TP53INP1: variants seen among roughly 807,000 people sequenced by gnomAD.
The protein encoded by TP53INP1 is tumor protein p53 inducible nuclear protein 1.
In TP53INP1, 12 loss-of-function variants were observed where a neutral mutation model predicts 21.0. The ratio of observed to expected loss-of-function variants is 0.57; its 90% CI spans 0.37 to 0.93. The LOEUF (loss-of-function observed/expected upper bound fraction) is 0.93, where lower values mean the gene tolerates loss of function less well. Among genes scored for constraint, TP53INP1 ranks in the 40% least tolerant of loss-of-function variants. The pLI is 0.01. For synonymous variants in TP53INP1, 91 were observed against 94.8 expected (o/e 0.96, Z 0.23); for missense variants, 274 against 294.7 (o/e 0.93, Z 0.51).
intron 3 of TP53INP1, among the ~76,000 whole-genome samples, chr8:94,932,797 CG>C (rs887820813): frequency 9.3e-5 from 14 of 150,630 alleles, no homozygotes; most frequent in African/African-American, 3.4e-4. Flanking sequence ...AGCGAGACTC[CG>C]TCTCAAAAAT....
chr8:94,948,710 G>A (rs1822242300), intron 1 of TP53INP1, among the ~76,000 whole-genome samples: 1 of 152,168 alleles, frequency 6.6e-6, no homozygotes, highest in Admixed American at 6.5e-5. Flanking sequence ...CCCCGACGCC[G>A]AGTCCCGAAG....
chr8:94,944,027 G>A (rs1472004317), intron 1 of TP53INP1, among the ~76,000 whole-genome samples: 1 of 152,194 alleles, frequency 6.6e-6, no homozygotes. Flanking sequence ...AAAGATTTTT[G>A]AGGATACATG....
chr8:94,932,052 CA>C, intron 3 of TP53INP1: 1 of 1,606,660 alleles, frequency 6.2e-7, no homozygotes, highest in South Asian at 1.1e-5. Context: ...CACACAGTCT[CA>C]AAGTGAATAT....
At position 94,930,374 on chromosome 8, in the gene TP53INP1, G is replaced by A; in HGVS notation, c.*105C>T. 6.9e-7 allele frequency: 1 copy of A among 1,448,526 alleles called. No homozygotes were observed. 89.7% of individuals were successfully genotyped at this position (1,448,526 alleles called of 1,614,324 possible). ...AATACACTGATAAAACTATGTGATTGGTTATCAATTGGTTGTAAAGAGACA... is the reference window on the plus strand; with the variant it reads ...AATACACTGATAAAACTATGTGATTAGTTATCAATTGGTTGTAAAGAGACA... On this transcript the variant is annotated 3_prime_UTR_variant, in exon 4 of 4. Transcript: ENST00000342697.
rs552008569 is a variant in TP53INP1 at position 94,940,100 on chromosome 8, T to C, written c.233A>G (p.Asp78Gly). The change falls in exon 3 of 4, where the codon GAT (aspartate) becomes GGT (glycine). Residue 78 changes from aspartate to glycine, a missense_variant. Asp to Gly is a moderately conservative substitution (Grantham distance 94). Transcript: ENST00000342697. Reference protein sequence around the residue: ...CLPASLECLADTSDSCFLQFE... With the variant: ...CLPASLECLAGTSDSCFLQFE... ...CTGGAGAAAGCAGGAATCACTTGTA[T>C]CAGCCAAGCACTCAAGAGATGCCGG... 184 of 1,614,208 alleles carry C rather than the reference T, an allele frequency of 1.1e-4. No individual in the cohort carries two copies. In the South Asian group the frequency reaches 1.1e-3, roughly 10 times the overall value.
At chr8:94,946,345 C>T (rs1821988890) in intron 1 of TP53INP1, among the ~76,000 whole-genome samples, 1 of 152,012 alleles carries the variant, frequency 6.6e-6, no homozygotes, top group African/African-American at 2.4e-5. Context: ...ATCTTGTTAG[C>T]ATAATTTATT....
chr8:94,943,733 C>T (rs1171777317), intron 1 of TP53INP1, among the ~76,000 whole-genome samples: 1 of 152,186 alleles, frequency 6.6e-6, no homozygotes, highest in Non-Finnish European at 1.5e-5. Context: ...ACAAGTTAAA[C>T]ATTTCAAATA....
intron 3 of TP53INP1, chr8:94,931,923 TA>T: frequency 2.9e-6 from 2 of 678,356 alleles, no homozygotes; most frequent in South Asian, 4.6e-5. Context: ...TGTGAGCCAA[TA>T]TCACACCATT....
rs777942237 is a variant in TP53INP1 at position 94,940,003 on chromosome 8, G to A, written c.330C>T (p.Thr110=). Reference sequence around the variant, plus strand: ...TAGGACTTGTTTCCACCTTGATAGTGGTTAATCCACCTGCAGTAAAACATG... The same window carrying A: ...TAGGACTTGTTTCCACCTTGATAGTAGTTAATCCACCTGCAGTAAAACATG... The part of the protein sequence containing the change: ...PPPCFTAGGL[T]TIKVETSPME... The change falls in exon 3 of 4, where the codon ACC becomes ACT. Residue 110 remains threonine (T), a synonymous_variant. Transcript: ENST00000342697. 6.2e-7 allele frequency: 1 copy of A among 1,614,162 alleles called. No homozygotes were observed. The highest frequency in any genetic ancestry group is 1.1e-5 in the South Asian group (1 of 91,074).
In TP53INP1 at chr8:94,939,944, G is replaced by C. The variant is rs1563730551; in HGVS notation, c.389C>G (p.Ser130Cys). ...GCAGGAGTTATGCACAGCATAGACAGACATGCTGGGATGTTCAATGAGAAG... is the reference window on the plus strand; with the variant it reads ...GCAGGAGTTATGCACAGCATAGACACACATGCTGGGATGTTCAATGAGAAG... ...ENLLIEHPSM[S>C]VYAVHNSCPG... The change falls in exon 3 of 4, where the codon TCT becomes TGT. Residue 130 changes from serine to cysteine, a missense_variant. Ser to Cys is a moderately radical substitution (Grantham distance 112, BLOSUM62 -1). Coordinates refer to ENST00000342697, the MANE Select transcript of TP53INP1 (RefSeq NM_033285.4). 6.2e-7 allele frequency: 1 copy of C among 1,614,182 alleles called. No homozygotes were observed. The highest frequency in any genetic ancestry group is 8.5e-7 in the Non-Finnish European group (1 of 1,180,016).
At position 94,940,158 on chromosome 8, in the gene TP53INP1, G is replaced by GT; in HGVS notation, c.174dup (p.Pro59ThrfsTer3). The GT allele has an allele frequency of 5.6e-6, 9 of 1,614,106 alleles. No individual in the cohort carries two copies. Among genetic ancestry groups the GT allele is most frequent in the Non-Finnish European group, 7.6e-6 (9 of 1,179,986 alleles). On this transcript the variant is annotated frameshift_variant, in exon 3 of 4. Coordinates refer to ENST00000342697, the MANE Select transcript of TP53INP1 (RefSeq NM_033285.4). LOFTEE classifies it high-confidence loss of function. ...GAAAAGACTGAAGGGTGCTCAGTAG[G>GT]TGACTCTTCACTGATGTCCTCCTCT...
chr8:94,936,679 C>G (rs76509925), intron 3 of TP53INP1, among the ~76,000 whole-genome samples: 3,123 of 152,148 alleles, frequency 0.021, 36 homozygotes, highest in African/African-American at 0.032. Context: ...ATAGGGAGCA[C>G]AACCCTACGG....
At position 94,930,838 on chromosome 8, in the gene TP53INP1, T is replaced by C. The variant is rs1245342314; in HGVS notation, c.474-110A>G. ...CCACGCTAATTTGTTTATGGCTGAA[T>C]GAGAGCTTGTGTTTCATGGCTGACA... is the stretch of plus-strand genomic sequence containing the variant. On this transcript the variant is annotated intron_variant, in intron 3 of 3. Transcript: ENST00000342697. 3.3e-6 allele frequency: 4 copies of C among 1,220,694 alleles called. No individual in the cohort carries two copies. In the African/African-American group the frequency reaches 6.1e-5, roughly 19 times the overall value. 75.6% of individuals were successfully genotyped at this position (1,220,694 alleles called of 1,614,324 possible).
At position 94,928,864 on chromosome 8, in the gene TP53INP1, A is replaced by G. The variant is rs941193175; in HGVS notation, c.*1615T>C. ...ATATGCTGCTTTTCTCCTTGAAAACATTTTGTAGACCTGTACTCATTTAAT... is the reference window on the plus strand; with the variant it reads ...ATATGCTGCTTTTCTCCTTGAAAACGTTTTGTAGACCTGTACTCATTTAAT... On this transcript the variant is annotated 3_prime_UTR_variant, in exon 4 of 4. Transcript: ENST00000342697. 1.3e-5 allele frequency: 2 copies of G among 152,590 alleles called. No homozygotes were observed. Among genetic ancestry groups the G allele is most frequent in the African/African-American group, 4.8e-5 (2 of 41,458 alleles). 9.5% of individuals were successfully genotyped at this position (152,590 alleles called of 1,614,324 possible).
At chr8:94,945,665 C>A (rs1340337905) in intron 1 of TP53INP1, 4 of 152,176 alleles carry the variant, frequency 2.6e-5, no homozygotes. Flanking sequence ...CCCCAGATCA[C>A]CACTAATATT....
intron 1 of TP53INP1, among the ~76,000 whole-genome samples, chr8:94,942,142 T>C (rs1821599438): frequency 6.6e-6 from 1 of 151,910 alleles, no homozygotes; most frequent in African/African-American, 2.4e-5. Context: ...GTTCACGCCA[T>C]TCTCCTGCCT....
In TP53INP1 at chr8:94,939,879, G is replaced by A. The variant is rs781182457; in HGVS notation, c.454C>T (p.His152Tyr). Reference protein sequence around the residue: ...SEATRGTDELHSPSSPRVEAQ... With the variant: ...SEATRGTDELYSPSSPRVEAQ... ...ACGTACCTGGGACTACTTGGGCTATGTAATTCATCAGTCCCACGGGTGGCC... is the reference window on the plus strand; with the variant it reads ...ACGTACCTGGGACTACTTGGGCTATATAATTCATCAGTCCCACGGGTGGCC... Residue 152 changes from histidine (H) to tyrosine (Y), a missense_variant, in exon 3 of 4, where the codon CAT becomes TAT. Physicochemically the swap from His to Tyr is moderately conservative, Grantham distance 83. Transcript: ENST00000342697. 8.7e-6 allele frequency: 14 copies of A among 1,613,266 alleles called. No homozygotes were observed. The African/African-American group carries it at 9.3e-5, about 11-fold the overall frequency.
In TP53INP1 at chr8:94,939,962, A is replaced by G. The variant is rs867673040; in HGVS notation, c.371T>C (p.Ile124Thr). The change falls in exon 3 of 4, where the codon ATT (isoleucine) becomes ACT (threonine). Residue 124 changes from isoleucine to threonine, a missense_variant. By Grantham distance (89) the Ile-to-Thr change is moderately conservative. Coordinates refer to ENST00000342697, the MANE Select transcript of TP53INP1 (RefSeq NM_033285.4). ...VETSPMENLL[I>T]EHPSMSVYAV... is the part of the protein sequence containing the mutation. ...ATAGACAGACATGCTGGGATGTTCA[A>G]TGAGAAGGTTTTCCATAGGACTTGT... The G allele has an allele frequency of 1.3e-5, 21 of 1,614,052 alleles. No homozygotes were observed. Among genetic ancestry groups the G allele is most frequent in the Non-Finnish European group, 1.5e-5 (18 of 1,180,038 alleles).
intron 3 of TP53INP1, among the ~76,000 whole-genome samples, chr8:94,932,946 A>G (rs778888202): frequency 2.0e-5 from 3 of 152,198 alleles, no homozygotes; most frequent in Non-Finnish European, 4.4e-5. Flanking sequence ...GCCGAGCACA[A>G]TGGCTCATGA....
Sources: gnomAD v4.1 joint callset for allele counts (sites outside exome capture counted in the v4.1 genomes callset) on GRCh38, gnomAD v4.1.1 for gene constraint, MANE v1.5 for transcripts, NCBI Gene and HGNC (gene_info 2026-07-23, HGNC 2026-07-21) for gene names.